Variants in SCARB2 observed in about 807,000 individuals in gnomAD.
SCARB2 encodes the protein lysosome membrane protein 2.
Under a neutral mutation model 58.6 loss-of-function variants are expected in SCARB2, and 29 were observed. The observed-to-expected ratio is 0.49, with a 90% confidence interval of 0.37 to 0.67. The LOEUF (loss-of-function observed/expected upper bound fraction) is 0.67. Among genes scored for constraint, SCARB2 ranks in the 30% least tolerant of loss-of-function variants. The pLI is 0.00. For synonymous variants in SCARB2, 195 were observed against 210.1 expected (o/e 0.93, Z 0.62); for missense variants, 488 against 578.5 (o/e 0.84, Z 1.60).
intron 9 of SCARB2, chr4:76,166,591 C>A (rs768742010): frequency 8.9e-5 from 44 of 496,634 alleles, no homozygotes; most frequent in Non-Finnish European, 1.5e-4. Context: ...GTCGACAGAA[C>A]AAAACTGTCA....
At chr4:76,172,072 ATT>A (rs1732141707) in intron 7 of SCARB2, among the ~76,000 whole-genome samples, 1 of 148,688 alleles carries the variant, frequency 6.7e-6, no homozygotes, top group Non-Finnish European at 1.5e-5. Context: ...ATATATGCAT[ATT>A]TATATATAAC....
intron 3 of SCARB2, chr4:76,180,052 T>C (rs1272251796): frequency 1.5e-5 from 5 of 337,140 alleles, no homozygotes; most frequent in Non-Finnish European, 5.8e-6. Flanking sequence ...CAGAGGCTCA[T>C]TATAAACCCG....
intron 1 of SCARB2, among the ~76,000 whole-genome samples, chr4:76,222,636 CACATTCTTTCAGAGTCA>C (rs1733329878): frequency 6.6e-6 from 1 of 152,212 alleles, no homozygotes; most frequent in Non-Finnish European, 1.5e-5. Flanking sequence ...TTTGGTCCTT[CACATTCTTTCAGAGTCA>C]ACAGCACAAA....
chr4:76,207,361 T>A (rs1299739835), intron 1 of SCARB2, among the ~76,000 whole-genome samples: 10 of 152,322 alleles, frequency 6.6e-5, no homozygotes, highest in African/African-American at 2.4e-4. Flanking sequence ...CCTCAATAAT[T>A]TTTAAGAATA....
intron 9 of SCARB2, among the ~76,000 whole-genome samples, chr4:76,167,753 C>T (rs1732042707): frequency 7.3e-6 from 1 of 137,362 alleles, no homozygotes; most frequent in Non-Finnish European, 1.5e-5. Flanking sequence ...ACCATCTTGG[C>T]TCACTGTGAC....
chr4:76,171,275 G>A (rs1732124378), intron 7 of SCARB2, among the ~76,000 whole-genome samples: 1 of 152,080 alleles, frequency 6.6e-6, no homozygotes, highest in Non-Finnish European at 1.5e-5. Flanking sequence ...GGGCTTAATA[G>A]GGGCTACTGT....
intron 1 of SCARB2, among the ~76,000 whole-genome samples, chr4:76,219,091 A>G (rs1187091420): frequency 6.6e-6 from 1 of 152,216 alleles, no homozygotes; most frequent in Non-Finnish European, 1.5e-5. Context: ...CCCCTTAGCC[A>G]CTGCTTGGGA....
intron 1 of SCARB2, among the ~76,000 whole-genome samples, chr4:76,228,550 G>A (rs1733440161): frequency 6.6e-6 from 1 of 151,694 alleles, no homozygotes; most frequent in Admixed American, 6.6e-5. Flanking sequence ...CTGGCTTGTG[G>A]CAAATTCTCT....
intron 1 of SCARB2, among the ~76,000 whole-genome samples, chr4:76,199,877 A>C (rs1419526719): frequency 6.6e-6 from 1 of 152,184 alleles, no homozygotes; most frequent in Non-Finnish European, 1.5e-5. Context: ...CAAAGAAAGC[A>C]CCTCAACCTC....
chr4:76,224,937 A>AT (rs1271530887), intron 1 of SCARB2, among the ~76,000 whole-genome samples: 2 of 151,990 alleles, frequency 1.3e-5, no homozygotes, highest in Non-Finnish European at 2.9e-5. Flanking sequence ...AGAGTCCATT[A>AT]TATCATTCTT....
At chr4:76,207,526 G>A (rs1036516556) in intron 1 of SCARB2, among the ~76,000 whole-genome samples, 3 of 152,216 alleles carry the variant, frequency 2.0e-5, no homozygotes, top group African/African-American at 7.2e-5. Context: ...GCCAAAGCAT[G>A]TACCCAAAAG....
upstream of SCARB2, among the ~76,000 whole-genome samples, chr4:76,214,832 G>A (rs573068057): frequency 6.6e-6 from 1 of 152,346 alleles, no homozygotes; most frequent in African/African-American, 2.4e-5. Context: ...GTCCCAGATG[G>A]GGGTACTATG....
At chr4:76,170,971 T>TATATATATATATAAAA (rs34900504) in intron 7 of SCARB2, among the ~76,000 whole-genome samples, 5 of 133,830 alleles carry the variant, frequency 3.7e-5, no homozygotes, top group African/African-American at 1.1e-4. Flanking sequence ...TATATATATA[T>TATATATATATATAAAA]AACCAAATAG....
chr4:76,174,124 T>C lies in SCARB2; in HGVS notation c.994+20A>G. ...CTGCATTCTTGACACCCCTATCATG[T>C]CCCCTCTCTGAGTTCTTACCATTCT... On this transcript the variant is annotated intron_variant, in intron 7 of 11. Coordinates refer to ENST00000264896, the MANE Select transcript of SCARB2 (RefSeq NM_005506.4). 6.2e-7 allele frequency: 1 copy of C among 1,613,012 alleles called. No homozygotes were observed. The highest frequency in any genetic ancestry group is 1.1e-5 in the South Asian group (1 of 91,024).
intron 2 of SCARB2, among the ~76,000 whole-genome samples, chr4:76,189,538 G>A (rs544754844): frequency 6.6e-5 from 10 of 152,154 alleles, no homozygotes; most frequent in South Asian, 4.2e-4. Flanking sequence ...GCTGGCATTC[G>A]GTGGCGTGAT....
chr4:76,202,418 C>T (rs755773577), intron 1 of SCARB2, among the ~76,000 whole-genome samples: 6 of 152,060 alleles, frequency 3.9e-5, no homozygotes, highest in Non-Finnish European at 7.4e-5. Context: ...CACATGACCA[C>T]ACCTGGCTAA....
intron 2 of SCARB2, among the ~76,000 whole-genome samples, chr4:76,188,914 C>T (rs1276797163): frequency 2.0e-5 from 3 of 152,194 alleles, no homozygotes; most frequent in Non-Finnish European, 4.4e-5. Context: ...CAAAGCCATT[C>T]ATTTTCAGGG....
chr4:76,170,061 C>CCACA (rs1294664826), intron 7 of SCARB2, 76 bp from the exon 8 acceptor site: 1 of 1,319,812 alleles, frequency 7.6e-7, no homozygotes, highest in African/African-American at 1.4e-5. Flanking sequence ...AAGTTCCTGG[C>CCACA]CACAGCCTGG....
chr4:76,173,331 T>A (rs1207475704), intron 7 of SCARB2: 2 of 6,268 alleles, frequency 3.2e-4, no homozygotes, highest in African/African-American at 4.1e-4. Flanking sequence ...CTTTTAGCTT[T>A]TTTTTTTTTT....
Sources: allele counts gnomAD v4.1 joint callset (sites outside exome capture counted in the v4.1 genomes callset), GRCh38; gene constraint gnomAD v4.1.1; transcripts MANE v1.5; gene names NCBI Gene and HGNC (gene_info 2026-07-23, HGNC 2026-07-21).